Variants in PHRF1 observed in about 807,000 individuals in gnomAD.
The protein encoded by PHRF1 is PHD and ring finger domains 1.
Under a neutral mutation model 128.9 loss-of-function variants are expected in PHRF1, and 53 were observed. The observed-to-expected ratio is 0.41, with a 90% CI of 0.33 to 0.52. The LOEUF (loss-of-function observed/expected upper bound fraction) is 0.52, where lower values mean the gene tolerates loss of function less well. PHRF1 is among the 20% of genes least tolerant of loss of function. The pLI, the probability that PHRF1 is intolerant of heterozygous loss-of-function variation, is 0.21. For missense variants in PHRF1, 2,503 were observed against 2,284.5 expected (o/e 1.10, Z -1.95); for synonymous variants, 1,178 against 980.6 (o/e 1.20, Z -3.76).
chr11:577,504 A>C (rs1853949270), intron 1 of PHRF1, among the ~76,000 whole-genome samples: 2 of 152,238 alleles, frequency 1.3e-5, no homozygotes, highest in Admixed American at 1.3e-4. Context: ...TATTGGAAGA[A>C]TGTTAAGTCA....
Position 587,280 on chromosome 11 carries a change from A to T in PHRF1, c.236A>T (p.Asp79Val), listed in dbSNP as rs762112425. ...DRSGSEDSED[D>V]GETLLEVAGT... Reference sequence around the variant, plus strand: ...CCAGGTTCCGAGGATTCTGAAGACGACGGGGAGACATTGCTGGAGGTAGCG... The same window carrying T: ...CCAGGTTCCGAGGATTCTGAAGACGTCGGGGAGACATTGCTGGAGGTAGCG... Residue 79 changes from aspartate to valine, a missense_variant, in exon 4 of 18, where the codon GAC becomes GTC. Asp to Val is a radical substitution (Grantham distance 152, BLOSUM62 -3). Coordinates refer to ENST00000264555, the MANE Select transcript of PHRF1 (RefSeq NM_001286581.2). 6 of 1,613,476 alleles carry T rather than the reference A, an allele frequency of 3.7e-6. No individual in the cohort carries two copies. In the East Asian group the frequency reaches 1.3e-4, roughly 36 times the overall value.
rs764702856 is a variant in PHRF1, at chr11:609,368, A to C, written c.3912A>C (p.Pro1304=). ...ACTCTTCCCCGGAGCGAGACTTCCC[A>C]CTGAAGCCTGCGTTGCCCCCAGCCA... ...STDSSPERDF[P]LKPALPPASL... The change falls in exon 14 of 18, where the codon CCA becomes CCC. Residue 1304 remains proline (P), a synonymous_variant. Coordinates refer to ENST00000264555, the MANE Select transcript of PHRF1 (RefSeq NM_001286581.2). The C allele has an allele frequency of 2.5e-6, 4 of 1,611,870 alleles. No individual in the cohort carries two copies. Among genetic ancestry groups the C allele is most frequent in the Non-Finnish European group, 1.7e-6 (2 of 1,179,846 alleles).
At chr11:611,189 C>A in intron 17 of PHRF1, 107 bp downstream of exon 17, 1 of 1,524,378 alleles carries the variant, frequency 6.6e-7, no homozygotes, top group Non-Finnish European at 8.8e-7. Context: ...GGCCCGAGGT[C>A]AGCCAGCCAG....
rs1239374975 is a variant in PHRF1 at position 608,685 on chromosome 11, C to G, written c.3229C>G (p.His1077Asp). 2 of 1,612,236 alleles carry G rather than the reference C, an allele frequency of 1.2e-6. No homozygotes were observed. Among genetic ancestry groups the G allele is most frequent in the South Asian group, 1.1e-5 (1 of 91,026 alleles). ...GAAAGCCAAGGACAAGAGCAGGGAG[C>G]ACAGGCGGGGCCCCTGGGGCCACAG... ...RKKAKDKSRE[H>D]RRGPWGHSRR... Residue 1077 changes from histidine (H) to aspartate (D), a missense_variant, in exon 14 of 18, where the codon CAC (histidine) becomes GAC (aspartate). Transcript: ENST00000264555.
At chr11:579,060 G>A (rs1199322024) in intron 1 of PHRF1, among the ~76,000 whole-genome samples, 1 of 152,194 alleles carries the variant, frequency 6.6e-6, no homozygotes, top group African/African-American at 2.4e-5. Flanking sequence ...GGCTGGTCTT[G>A]AACTACGGAG....
chr11:592,574 A>G lies in PHRF1; in HGVS notation c.520A>G (p.Thr174Ala). The G allele has an allele frequency of 6.2e-7, 1 of 1,614,056 alleles. No homozygotes were observed. The highest frequency in any genetic ancestry group is 8.5e-7 in the Non-Finnish European group (1 of 1,179,906). Residue 174 changes from threonine to alanine, a missense_variant, in exon 6 of 18, where the codon ACC becomes GCC. By Grantham distance (58) the Thr-to-Ala change is moderately conservative. Transcript: ENST00000264555. ...KILRKIPVEN[T>A]KASEEEEDPT... ...TCTGTCCTAGATCCCAGTGGAGAAC[A>G]CCAAAGCGAGCGAGGAGGAGGAGGA...
At chr11:611,559 C>G (rs1312921500) in intron 17 of PHRF1, 75 bp from the exon 18 acceptor site, 2 of 1,599,094 alleles carry the variant, frequency 1.3e-6, no homozygotes, top group Non-Finnish European at 1.7e-6. Context: ...CGAGGGAGCC[C>G]AGCTTTGGCC....
intron 3 of PHRF1, 44 bp downstream of exon 3, chr11:582,125 T>C: frequency 6.4e-7 from 1 of 1,554,580 alleles, no homozygotes; most frequent in East Asian, 2.4e-5. Context: ...TTTCCTCTTG[T>C]CGTGATGGGG....
chr11:593,244 G>A (rs962118734), intron 6 of PHRF1, among the ~76,000 whole-genome samples: 7 of 152,234 alleles, frequency 4.6e-5, no homozygotes, highest in African/African-American at 9.7e-5. Context: ...AGCCTCCTGC[G>A]AGGGGCTTTC....
chr11:591,423 T>C lies in PHRF1; in HGVS notation c.460T>C (p.Cys154Arg). 1.9e-6 allele frequency: 3 copies of C among 1,609,914 alleles called. No individual in the cohort carries two copies. Among genetic ancestry groups the C allele is most frequent in the Non-Finnish European group, 2.5e-6 (3 of 1,178,322 alleles). ...SCPVDRTLFKCICIRAQFGGK... is the reference protein window; with the variant it reads ...SCPVDRTLFKRICIRAQFGGK... ...TCCAGTTGATCGAACTCTATTTAAG[T>C]GCATTTGTATTCGAGCTCAATTTGG... The change falls in exon 5 of 18, where the codon TGC becomes CGC. Residue 154 changes from cysteine (C) to arginine (R), a missense_variant. Physicochemically the swap from Cys to Arg is radical, Grantham distance 180. Coordinates refer to ENST00000264555, the MANE Select transcript of PHRF1 (RefSeq NM_001286581.2).
At chr11:591,167 C>T (rs986461677) in intron 4 of PHRF1, among the ~76,000 whole-genome samples, 4 of 152,338 alleles carry the variant, frequency 2.6e-5, no homozygotes, top group South Asian at 2.1e-4. Context: ...AGATGCTACG[C>T]GTTCATGGAG....
rs377111870 is a variant in PHRF1 at position 592,713 on chromosome 11, G to A, written c.620+39G>A. 43 of 1,598,324 alleles carry A rather than the reference G, an allele frequency of 2.7e-5. No homozygotes were observed. In the South Asian group the frequency reaches 3.5e-4, roughly 13 times the overall value. ...GGGACTGGCACACGTGCCCTGCTGC[G>A]TGCAAGGCGGGCCAGGCGCAGGAGG... On this transcript the variant is annotated intron_variant, in intron 6 of 17. Coordinates refer to ENST00000264555, the MANE Select transcript of PHRF1 (RefSeq NM_001286581.2).
intron 10 of PHRF1, 31 bp downstream of exon 10, chr11:601,732 C>T: frequency 1.9e-6 from 3 of 1,612,768 alleles, no homozygotes; most frequent in Non-Finnish European, 2.5e-6. Flanking sequence ...CCTGAGTCTC[C>T]TGCTGGCCAC....
At chr11:607,008 A>G in intron 13 of PHRF1, 58 bp from the exon 14 acceptor site, 1 of 1,517,572 alleles carries the variant, frequency 6.6e-7, no homozygotes, top group Non-Finnish European at 8.8e-7. Flanking sequence ...AAATTAAACC[A>G]CTGACATTTA....
At chr11:594,805 C>G (rs1855186900) in intron 6 of PHRF1, among the ~76,000 whole-genome samples, 1 of 152,186 alleles carries the variant, frequency 6.6e-6, no homozygotes, top group African/African-American at 2.4e-5. Context: ...ATGTTTACAG[C>G]TTAATTAAAA....
At chr11:587,545 C>G (rs867223802) in intron 4 of PHRF1, 81 bp downstream of exon 4, 1 of 1,423,220 alleles carries the variant, frequency 7.0e-7, no homozygotes, top group African/African-American at 1.4e-5. Context: ...TGTTCAGCCT[C>G]TTGTGAGGTT....
Position 608,271 on chromosome 11 carries a change from G to C in PHRF1, c.2815G>C (p.Glu939Gln), listed in dbSNP as rs372157703. The change falls in exon 14 of 18, where the codon GAG becomes CAG. Residue 939 changes from glutamate to glutamine, a missense_variant. Physicochemically the swap from Glu to Gln is conservative, Grantham distance 29 (BLOSUM62 2). Coordinates refer to ENST00000264555, the MANE Select transcript of PHRF1 (RefSeq NM_001286581.2). ...CCGGCTGCGGAGGCCATCCCCCCCA[G>C]AGCCCTGGGATGAGGAGGATGGGGC... ...AARLRRPSPPEPWDEEDGASC... is the reference protein window; with the variant it reads ...AARLRRPSPPQPWDEEDGASC... 3 of 1,609,926 alleles carry C rather than the reference G, an allele frequency of 1.9e-6. No homozygotes were observed. In the African/African-American group the frequency reaches 4.0e-5, roughly 21 times the overall value.
chr11:576,505 AGGC>A lies in PHRF1; in HGVS notation c.-99_-97del, dbSNP rs1387742422. On this transcript the variant is annotated 5_prime_UTR_variant, in exon 1 of 18. Transcript: ENST00000264555. ...GTCGAAGAGCGCACGGCGGCGGCAGAGGCGGCGGCGGCCGGGCCTAGGAGCGAC... is the reference window on the plus strand; with the variant it reads ...GTCGAAGAGCGCACGGCGGCGGCAGAGGCGGCGGCCGGGCCTAGGAGCGAC... 1 of 152,910 alleles carries A rather than the reference AGGC, an allele frequency of 6.5e-6. No homozygotes were observed. The highest frequency in any genetic ancestry group is 1.5e-5 in the Non-Finnish European group (1 of 68,530). 9.5% of individuals were successfully genotyped at this position (152,910 alleles called of 1,614,324 possible).
chr11:609,795 C>G, intron 14 of PHRF1, 75 bp downstream of exon 14: 1 of 1,047,500 alleles, frequency 9.5e-7, no homozygotes, highest in South Asian at 1.8e-5. Context: ...GAGGACAGAG[C>G]CCCCCGTGAG....
Sources: gnomAD v4.1 joint callset for allele counts (sites outside exome capture counted in the v4.1 genomes callset) on GRCh38, gnomAD v4.1.1 for gene constraint, MANE v1.5 for transcripts, NCBI Gene and HGNC (gene_info 2026-07-23, HGNC 2026-07-21) for gene names.